Variants in MACROD2 observed in about 807,000 individuals in gnomAD.
The protein encoded by MACROD2 is mono-ADP ribosylhydrolase 2.
Under a neutral mutation model 70.4 loss-of-function variants are expected in MACROD2, and 36 were observed. The observed-to-expected ratio is 0.51, with a 90% CI of 0.39 to 0.68. The LOEUF (loss-of-function observed/expected upper bound fraction) is 0.68, where lower values mean the gene tolerates loss of function less well. Ranked by LOEUF, MACROD2 falls within the 30% of genes least tolerant of loss-of-function variation. MACROD2 has a pLI of 0.00. For missense variants in MACROD2, 496 were observed against 538.4 expected (o/e 0.92, Z 0.78); for synonymous variants, 172 against 178.8 (o/e 0.96, Z 0.30).
rs61315679 is a variant in MACROD2, at chr20:15,938,073, TA to T, written c.907+542del. Among the ~76,000 whole-genome samples the T allele has an allele frequency of 9.7e-3, 1,298 of 134,346 alleles. 19 individuals carry two copies. The highest frequency in any genetic ancestry group is 0.03 in the African/African-American group (1,125 of 37,148). The allele number at this position is 134,346 out of a possible 152,430, so 88.1% of individuals were successfully genotyped here. A position where few individuals can be genotyped will look rare whatever the true frequency, so the allele number is the denominator to read the frequency against. On this transcript the variant is annotated intron_variant, in intron 12 of 17. Transcript: ENST00000684519. ...CTGACCCAAGTATTTCCAGAAAAAG[TA>T]AAAAAAAAAAAACAATTTACTTTTC... is the stretch of plus-strand genomic sequence containing the variant.
intron 3 of MACROD2, among the ~76,000 whole-genome samples, chr20:14,228,991 C>CAAAA (rs11480896): frequency 7.4e-6 from 1 of 135,010 alleles, no homozygotes; most frequent in Non-Finnish European, 1.6e-5. Context: ...GACTCTGTCT[C>CAAAA]AAAAAAAAAA....
At chr20:15,852,599 T>G (rs2064312025) in intron 8 of MACROD2, among the ~76,000 whole-genome samples, 1 of 152,194 alleles carries the variant, frequency 6.6e-6, no homozygotes. Flanking sequence ...ACAATGATAT[T>G]CGGTGACATT....
chr20:14,033,962 TTTTATTTA>T (rs71190108), intron 2 of MACROD2, among the ~76,000 whole-genome samples: 115 of 150,170 alleles, frequency 7.7e-4, no homozygotes, highest in African/African-American at 2.7e-3. Flanking sequence ...CCTATTTTTA[TTTTATTTA>T]TTTATTTATT....
intron 15 of MACROD2, among the ~76,000 whole-genome samples, chr20:16,032,568 A>T (rs576144527): frequency 6.6e-6 from 1 of 151,226 alleles, no homozygotes; most frequent in Non-Finnish European, 1.5e-5. Flanking sequence ...GGAAGGAGAG[A>T]AGGAGAAACT....
intron 4 of MACROD2, among the ~76,000 whole-genome samples, chr20:14,640,700 G>A (rs374314715): frequency 1.5e-4 from 23 of 152,204 alleles, no homozygotes; most frequent in African/African-American, 2.9e-4. Flanking sequence ...GTTTCCCAGC[G>A]CATATGGAAT....
At chr20:14,490,263 G>C (rs992628489) in intron 3 of MACROD2, among the ~76,000 whole-genome samples, 5 of 152,134 alleles carry the variant, frequency 3.3e-5, no homozygotes, top group African/African-American at 7.2e-5. Flanking sequence ...GTAACCACTT[G>C]TTTAGGGTAT....
chr20:14,286,786 C>G (rs987865892), intron 3 of MACROD2, among the ~76,000 whole-genome samples: 3 of 152,040 alleles, frequency 2.0e-5, no homozygotes, highest in Non-Finnish European at 4.4e-5. Context: ...ATTTTTTACT[C>G]TCTATTTAAA....
chr20:14,915,731 T>C (rs907019989), intron 5 of MACROD2, among the ~76,000 whole-genome samples: 2 of 152,204 alleles, frequency 1.3e-5, no homozygotes, highest in Non-Finnish European at 2.9e-5. Context: ...GATTGGAACT[T>C]CAGCTTTACT....
chr20:14,303,412 T>C (rs560442618), intron 3 of MACROD2, among the ~76,000 whole-genome samples: 1 of 152,214 alleles, frequency 6.6e-6, no homozygotes, highest in Admixed American at 6.5e-5. Context: ...ATCCCTTAGA[T>C]CCTCTCTCTG....
chr20:15,142,347 A>G (rs1453476201), intron 5 of MACROD2, among the ~76,000 whole-genome samples: 1 of 152,226 alleles, frequency 6.6e-6, no homozygotes, highest in Non-Finnish European at 1.5e-5. Flanking sequence ...TTCTCAAAGT[A>G]AAGCCCCAAA....
At chr20:16,016,736 A>G (rs1269410376) in intron 15 of MACROD2, among the ~76,000 whole-genome samples, 3 of 152,270 alleles carry the variant, frequency 2.0e-5, no homozygotes, top group African/African-American at 7.2e-5. Context: ...GGGTTTCACC[A>G]TGTTGGCCAT....
At chr20:15,220,349 A>G (rs541513633) in intron 5 of MACROD2, among the ~76,000 whole-genome samples, 1 of 152,378 alleles carries the variant, frequency 6.6e-6, no homozygotes, top group South Asian at 2.1e-4. Context: ...CTGTTCCCAT[A>G]GAATTCTTGG....
At chr20:15,559,097 C>T (rs1481274598) in intron 8 of MACROD2, among the ~76,000 whole-genome samples, 5 of 151,826 alleles carry the variant, frequency 3.3e-5, no homozygotes, top group East Asian at 1.9e-4. Flanking sequence ...CATGGTGGCG[C>T]ACGCCTGTAG....
intron 5 of MACROD2, among the ~76,000 whole-genome samples, chr20:14,743,072 C>T (rs780481746): frequency 6.6e-5 from 10 of 152,046 alleles, no homozygotes; most frequent in Admixed American, 5.9e-4. Context: ...GGCCTATAAA[C>T]TTTATTTTAA....
At chr20:15,226,089 G>A (rs2076903584) in intron 5 of MACROD2, among the ~76,000 whole-genome samples, 1 of 152,088 alleles carries the variant, frequency 6.6e-6, no homozygotes, top group Non-Finnish European at 1.5e-5. Context: ...GTTCCTGATA[G>A]ACGTGTACAG....
intron 6 of MACROD2, among the ~76,000 whole-genome samples, chr20:15,245,440 G>A (rs569147370): frequency 1.3e-5 from 2 of 152,270 alleles, no homozygotes; most frequent in Admixed American, 1.3e-4. Context: ...CAAGGCACTG[G>A]CAATTCTATT....
chr20:14,873,690 C>G (rs1034728981), intron 5 of MACROD2, among the ~76,000 whole-genome samples: 30 of 152,086 alleles, frequency 2.0e-4, no homozygotes, highest in African/African-American at 6.3e-4. Flanking sequence ...TAAACCCTGT[C>G]CCTACTAAAA....
chr20:14,267,703 A>T (rs1328099851), intron 3 of MACROD2, among the ~76,000 whole-genome samples: 1 of 152,124 alleles, frequency 6.6e-6, no homozygotes, highest in Admixed American at 6.5e-5. Flanking sequence ...AATGTTAAGA[A>T]ATGAACTAGT....
intron 5 of MACROD2, among the ~76,000 whole-genome samples, chr20:15,034,810 T>C (rs2075301203): frequency 6.6e-6 from 1 of 152,208 alleles, no homozygotes; most frequent in African/African-American, 2.4e-5. Context: ...ATTTTTATAA[T>C]ATATTTAGTA....
Sources: allele counts gnomAD v4.1 joint callset (sites outside exome capture counted in the v4.1 genomes callset), GRCh38; gene constraint gnomAD v4.1.1; transcripts MANE v1.5; gene names NCBI Gene and HGNC (gene_info 2026-07-23, HGNC 2026-07-21).